The following MYOM2 variants were observed in gnomAD, a reference collection of about 807,000 sequenced individuals.
The protein encoded by MYOM2 is myomesin 2.
A neutral mutation model predicts 187.6 loss-of-function variants in MYOM2; 254 were observed. That is an observed-to-expected ratio of 1.35 (90% CI 1.22 to 1.50). The LOEUF (loss-of-function observed/expected upper bound fraction) is 1.50, where lower values mean the gene tolerates loss of function less well. MYOM2 is among the 40% of genes most tolerant of loss of function. The probability of loss-of-function intolerance (pLI) is 0.00; values close to 1 mark genes in which losing one functional copy is unlikely to be tolerated. For missense variants in MYOM2, 2,796 were observed against 1,924.0 expected (o/e 1.45, Z -8.48); for synonymous variants, 981 against 753.8 (o/e 1.30, Z -4.94).
chr8:2,068,659 G>A (rs1017631744), intron 6 of MYOM2, among the ~76,000 whole-genome samples: 1 of 152,254 alleles, frequency 6.6e-6, no homozygotes, highest in African/African-American at 2.4e-5. Flanking sequence ...CACCTGGAGA[G>A]TGGAGCAAAG....
chr8:2,123,130 G>A (rs1275007409), intron 28 of MYOM2, 122 bp from the exon 29 acceptor site: 5 of 612,024 alleles, frequency 8.2e-6, no homozygotes, highest in East Asian at 5.7e-5. Flanking sequence ...GTCTGAGACT[G>A]TCTATAGTAA....
intron 14 of MYOM2, among the ~76,000 whole-genome samples, chr8:2,088,148 A>G (rs559890174): frequency 3.9e-5 from 6 of 152,078 alleles, no homozygotes. Context: ...TGGTGCATCC[A>G]TCACCCAAGC....
At chr8:2,118,907 G>A (rs1797334501) in intron 28 of MYOM2, 1 of 152,210 alleles carries the variant, frequency 6.6e-6, no homozygotes, top group African/African-American at 2.4e-5. Flanking sequence ...TCCACCGAGA[G>A]AAGGAGATTT....
In MYOM2 at chr8:2,116,796, T is replaced by C. The variant is rs546420180; in HGVS notation, c.3385+521T>C. 2.4e-3 allele frequency among the ~76,000 whole-genome samples: 371 copies of C among 152,320 alleles called. 3 individuals carry two copies. Among genetic ancestry groups the C allele is most frequent in the African/African-American group, 7.6e-3 (314 of 41,568 alleles). On this transcript the variant is annotated intron_variant, in intron 27 of 36. Transcript: ENST00000262113. ...TTTTTGAGATGGAGTCTTGCTCTGT[T>C]GCCCAGGCTGGAGTGCGGTGATGCC...
intron 10 of MYOM2, among the ~76,000 whole-genome samples, chr8:2,075,330 G>T (rs907255907): frequency 2.6e-5 from 4 of 152,088 alleles, no homozygotes; most frequent in Admixed American, 6.5e-5. Flanking sequence ...GGCTCAAATC[G>T]CCTTGCTCAC....
intron 21 of MYOM2, among the ~76,000 whole-genome samples, chr8:2,103,133 TG>T (rs1796769192): frequency 2.0e-5 from 3 of 148,298 alleles, no homozygotes; most frequent in Non-Finnish European, 4.5e-5. Context: ...GGTGGGTGGG[TG>T]TGTGTGTAAA....
At position 2,123,662 on chromosome 8, in the gene MYOM2, G is replaced by A. The variant is rs773019071; in HGVS notation, c.3655+20G>A. On this transcript the variant is annotated intron_variant, in intron 30 of 36. Transcript: ENST00000262113. ...GCAAAGGTAAAAGAAAACCTCCTTT[G>A]TTCTGTGAACAAGAAATTCCTTTCA... The A allele has an allele frequency of 7.5e-6, 12 of 1,606,528 alleles. No homozygotes were observed. Among genetic ancestry groups the A allele is most frequent in the African/African-American group, 1.3e-5 (1 of 74,882 alleles).
At chr8:2,140,662 A>C in intron 32 of MYOM2, 61 bp from the exon 33 acceptor site, 45 of 1,551,394 alleles carry the variant, frequency 2.9e-5, no homozygotes, top group Non-Finnish European at 3.4e-5. Flanking sequence ...ATTGCCCTGT[A>C]GACATTGTGC....
intron 23 of MYOM2, 51 bp from the exon 24 acceptor site, chr8:2,108,735 C>G (rs751055471): frequency 2.5e-6 from 4 of 1,595,916 alleles, no homozygotes; most frequent in Non-Finnish European, 1.7e-6. Context: ...TGTCTACAAA[C>G]TTCTCTAGGT....
intron 35 of MYOM2, among the ~76,000 whole-genome samples, chr8:2,142,854 C>G (rs1798324238): frequency 6.6e-6 from 1 of 151,260 alleles, no homozygotes; most frequent in Non-Finnish European, 1.5e-5. Context: ...CTCCTGGGTT[C>G]AAGCGATTCT....
intron 16 of MYOM2, among the ~76,000 whole-genome samples, chr8:2,093,223 G>C (rs1008820592): frequency 6.6e-6 from 1 of 152,150 alleles, no homozygotes; most frequent in Non-Finnish European, 1.5e-5. Context: ...AACAAGAAGA[G>C]ATGTCATTGA....
At chr8:2,141,288 CA>C in intron 34 of MYOM2, 111 bp downstream of exon 34, 1 of 869,620 alleles carries the variant, frequency 1.1e-6, no homozygotes, top group Non-Finnish European at 1.8e-6. Context: ...AAGAAAGAGC[CA>C]TTCCTGGGAC....
At chr8:2,074,074 G>C (rs1180528419) in intron 10 of MYOM2, among the ~76,000 whole-genome samples, 3 of 152,116 alleles carry the variant, frequency 2.0e-5, no homozygotes, top group Non-Finnish European at 4.4e-5. Flanking sequence ...CACGGATTTC[G>C]TCTTCACAGC....
chr8:2,073,467 G>T lies in MYOM2; in HGVS notation c.1087G>T (p.Val363Phe), dbSNP rs34316994. 8.1e-6 allele frequency: 13 copies of T among 1,608,686 alleles called. No homozygotes were observed. The highest frequency in any genetic ancestry group is 5.3e-5 in the African/African-American group (4 of 74,876). Reference sequence around the variant, plus strand: ...CCTGCGCATCGTGTCTCGGGGCGGCGTCAGCGACCACAGCGCCTTCCTGTT... The same window carrying T: ...CCTGCGCATCGTGTCTCGGGGCGGCTTCAGCGACCACAGCGCCTTCCTGTT... ...YTLRIVSRGG[V>F]SDHSAFLFVR... The change falls in exon 10 of 37, where the codon GTC becomes TTC. Residue 363 changes from valine to phenylalanine, a missense_variant. Physicochemically the swap from Val to Phe is conservative, Grantham distance 50. Coordinates refer to ENST00000262113, the MANE Select transcript of MYOM2 (RefSeq NM_003970.4).
At chr8:2,140,908 A>G (rs1798252858) in intron 33 of MYOM2, 22 bp downstream of exon 33, 1 of 1,580,918 alleles carries the variant, frequency 6.3e-7, no homozygotes, top group East Asian at 2.3e-5. Context: ...CTTCTTTAGC[A>G]TTTAATAATT....
chr8:2,066,987 G>C (rs1323601976), intron 6 of MYOM2, among the ~76,000 whole-genome samples: 1 of 152,176 alleles, frequency 6.6e-6, no homozygotes, highest in East Asian at 1.9e-4. Context: ...AATCTACCCA[G>C]ACTGGGCTCT....
At chr8:2,125,403 T>C (rs1484541667) in intron 31 of MYOM2, among the ~76,000 whole-genome samples, 5 of 152,164 alleles carry the variant, frequency 3.3e-5, no homozygotes, top group African/African-American at 9.7e-5. Context: ...ACCATCAATA[T>C]TTAGTTTCAT....
At chr8:2,094,220 A>G (rs947902471) in intron 17 of MYOM2, 129 bp downstream of exon 17, 34 of 1,235,896 alleles carry the variant, frequency 2.8e-5, no homozygotes, top group Non-Finnish European at 3.7e-5. Flanking sequence ...TGAACAGAGA[A>G]CTTGAGTTTC....
At chr8:2,125,907 T>C (rs1013416884) in intron 31 of MYOM2, among the ~76,000 whole-genome samples, 2 of 151,974 alleles carry the variant, frequency 1.3e-5, no homozygotes, top group African/African-American at 4.8e-5. Context: ...TGAGCCACTG[T>C]GCCTGGACAA....
Sources: gnomAD v4.1 joint callset for allele counts (sites outside exome capture counted in the v4.1 genomes callset) on GRCh38, gnomAD v4.1.1 for gene constraint, MANE v1.5 for transcripts, NCBI Gene and HGNC (gene_info 2026-07-23, HGNC 2026-07-21) for gene names.